GET4: variants seen among roughly 807,000 people sequenced by gnomAD.
The protein encoded by GET4 is guided entry of tail-anchored proteins factor 4.
A neutral mutation model predicts 40.0 loss-of-function variants in GET4; 20 were observed. That is an observed-to-expected ratio of 0.50 (90% CI 0.35 to 0.73). GET4 has a LOEUF of 0.73. Among genes scored for constraint, GET4 ranks in the 30% least tolerant of loss-of-function variants. The probability of loss-of-function intolerance (pLI) is 0.01; values close to 1 mark genes in which losing one functional copy is unlikely to be tolerated. For synonymous variants in GET4, 280 were observed against 194.6 expected (o/e 1.44, Z -3.65); for missense variants, 557 against 454.0 (o/e 1.23, Z -2.06).
Position 893,751 on chromosome 7 carries a change from C to G in GET4, c.758C>G (p.Thr253Arg). 6.2e-7 allele frequency: 1 copy of G among 1,604,832 alleles called. No homozygotes were observed. The highest frequency in any genetic ancestry group is 8.5e-7 in the Non-Finnish European group (1 of 1,173,232). The change falls in exon 7 of 9, where the codon ACG becomes AGG. Residue 253 changes from threonine (T) to arginine (R), a missense_variant. Thr to Arg is a moderately conservative substitution (Grantham distance 71). Coordinates refer to ENST00000265857, the MANE Select transcript of GET4 (RefSeq NM_015949.3). Reference sequence around the variant, plus strand: ...TGTCTCTGTCCCAGTGGGAAGCTGACGGTGTTCACTGTGCTGTGTGAGCAG... The same window carrying G: ...TGTCTCTGTCCCAGTGGGAAGCTGAGGGTGTTCACTGTGCTGTGTGAGCAG... Reference protein sequence around the residue: ...LLLAVDGGKLTVFTVLCEQYQ... With the variant: ...LLLAVDGGKLRVFTVLCEQYQ...
Position 892,264 on chromosome 7 carries a change from G to C in GET4, c.606-14G>C, listed in dbSNP as rs777075953. On this transcript the variant is annotated splice_polypyrimidine_tract_variant and intron_variant, in intron 5 of 8. Coordinates refer to ENST00000265857, the MANE Select transcript of GET4 (RefSeq NM_015949.3). ...CCTCCAGCCCTTCCACCACCAGCAT[G>C]TTCTCATTTCCAGGTTTCTCTGTTT... 5 of 1,585,136 alleles carry C rather than the reference G, an allele frequency of 3.2e-6. No individual in the cohort carries two copies. In the Admixed American group the frequency reaches 5.0e-5, roughly 16 times the overall value.
intron 1 of GET4, chr7:884,406 T>A (rs1844147083): frequency 7.8e-7 from 1 of 1,274,032 alleles, no homozygotes; most frequent in Non-Finnish European, 1.0e-6. Flanking sequence ...TGGGTCTCCC[T>A]CCAGAACCTT....
intron 1 of GET4, chr7:884,033 C>G (rs1022691053): frequency 4.7e-5 from 54 of 1,155,152 alleles, no homozygotes; most frequent in Non-Finnish European, 5.0e-5. Context: ...TCGGCAGTGC[C>G]CCCCAGAGCA....
chr7:877,985 G>T (rs1218772152), intron 1 of GET4: 4 of 192,184 alleles, frequency 2.1e-5, no homozygotes, highest in African/African-American at 1.0e-4. Context: ...CTGGCCTTCA[G>T]GTTCTCCAGC....
chr7:892,158 C>T (rs1185304454), intron 5 of GET4, 120 bp from the exon 6 acceptor site: 3 of 983,162 alleles, frequency 3.1e-6, no homozygotes, highest in Non-Finnish European at 4.7e-6. Flanking sequence ...CCCTCCATGG[C>T]CTTGGGCCGC....
intron 5 of GET4, among the ~76,000 whole-genome samples, chr7:891,967 G>A (rs145234222): frequency 6.6e-6 from 1 of 152,210 alleles, no homozygotes; most frequent in East Asian, 1.9e-4. Context: ...GCCAGCGCCT[G>A]ACCGGTGCGG....
At chr7:883,810 G>A in intron 1 of GET4, 1 of 992,346 alleles carries the variant, frequency 1.0e-6, no homozygotes, top group Non-Finnish European at 1.2e-6. Context: ...CAGTACAGGA[G>A]GAGAAGCCGT....
Position 895,392 on chromosome 7 carries a change from C to A in GET4, c.954C>A (p.Pro318=), listed in dbSNP as rs768732516. The change falls in exon 9 of 9, where the codon CCC becomes CCA. Residue 318 remains proline (P), a synonymous_variant. Transcript: ENST00000265857. ...AGCAGGAGGATGGGGAGGAGAGCCC[C>A]AGCGACGGCAGCCCCATCGAGCTGG... is the stretch of plus-strand genomic sequence containing the variant. ...SSEQEDGEES[P]SDGSPIELD is the part of the protein sequence containing the mutation. 25 of 1,593,460 alleles carry A rather than the reference C, an allele frequency of 1.6e-5. No homozygotes were observed. Among genetic ancestry groups the A allele is most frequent in the Non-Finnish European group, 1.3e-5 (15 of 1,163,172 alleles).
intron 4 of GET4, among the ~76,000 whole-genome samples, chr7:887,864 C>T (rs1242325837): frequency 2.0e-5 from 3 of 152,180 alleles, no homozygotes; most frequent in Admixed American, 6.5e-5. Context: ...CCCTGTTTTT[C>T]TCCTTTACGC....
At chr7:878,453 C>T (rs1020783292) in intron 1 of GET4, 13 of 451,978 alleles carry the variant, frequency 2.9e-5, no homozygotes, top group Admixed American at 7.1e-5. Context: ...TAGTATTTTC[C>T]ATGGGGTACC....
Position 895,574 on chromosome 7 carries a change from CAG to C in GET4, c.*153_*154del, listed in dbSNP as rs1228287527. ...GCGTGTCTGTTTCTGTGCGGCGGCT[CAG>C]GGTGGCGCGGCTGCTGCTCACTGTG... On this transcript the variant is annotated 3_prime_UTR_variant, in exon 9 of 9. Transcript: ENST00000265857. 5.9e-6 allele frequency: 3 copies of C among 505,390 alleles called. No homozygotes were observed. Among genetic ancestry groups the C allele is most frequent in the African/African-American group, 4.0e-5 (2 of 50,298 alleles). The allele number at this position is 505,390 out of a possible 1,614,324, so 31.3% of individuals were successfully genotyped here. A position where few individuals can be genotyped will look rare whatever the true frequency, so the allele number is the denominator to read the frequency against.
intron 1 of GET4, chr7:883,731 G>T: frequency 1.2e-5 from 12 of 986,178 alleles, no homozygotes; most frequent in Non-Finnish European, 1.3e-5. Flanking sequence ...CCGGCCTCGG[G>T]CTTGAGAGGG....
At chr7:889,270 C>T (rs1398615912) in intron 4 of GET4, among the ~76,000 whole-genome samples, 2 of 152,254 alleles carry the variant, frequency 1.3e-5, no homozygotes, top group African/African-American at 2.4e-5. Context: ...TGATGGACCT[C>T]ACCCGGGGAG....
Position 891,027 on chromosome 7 carries a change from G to T in GET4, c.566G>T (p.Arg189Leu). 6.2e-7 allele frequency: 1 copy of T among 1,610,058 alleles called. No homozygotes were observed. The change falls in exon 5 of 9, where the codon CGC becomes CTC. Residue 189 changes from arginine (R) to leucine (L), a missense_variant. Physicochemically the swap from Arg to Leu is moderately radical, Grantham distance 102. Transcript: ENST00000265857. ...LVEYSTSRGF[R>L]SEVDMFVAQA... Reference sequence around the variant, plus strand: ...GAGTATTCCACGTCCCGCGGCTTCCGCAGCGAGGTGGACATGTTCGTGGCC... The same window carrying T: ...GAGTATTCCACGTCCCGCGGCTTCCTCAGCGAGGTGGACATGTTCGTGGCC...
chr7:893,601 C>T (rs1483282156), intron 6 of GET4, 139 bp from the exon 7 acceptor site: 46 of 497,198 alleles, frequency 9.3e-5, no homozygotes, highest in Middle Eastern at 4.7e-4. Flanking sequence ...TGGGCATGGG[C>T]GCGGTGTGTG....
chr7:879,361 C>T (rs950174141), intron 1 of GET4, among the ~76,000 whole-genome samples: 2 of 152,224 alleles, frequency 1.3e-5, no homozygotes, highest in Non-Finnish European at 2.9e-5. Flanking sequence ...GATGCCATTT[C>T]GTTGCTTAAA....
intron 6 of GET4, among the ~76,000 whole-genome samples, chr7:893,291 T>G (rs1243191422): frequency 8.9e-6 from 1 of 112,760 alleles, no homozygotes; most frequent in East Asian, 3.0e-4. Flanking sequence ...AGGTGAGTGT[T>G]GGGCGCGGGC....
chr7:890,603 T>C lies in GET4; in HGVS notation c.467-325T>C, dbSNP rs143684527. 2.2e-3 allele frequency among the ~76,000 whole-genome samples: 342 copies of C among 152,242 alleles called. 4 individuals carry two copies. The highest frequency in any genetic ancestry group is 7.6e-3 in the African/African-American group (317 of 41,514). ...TATATTGCGCCCTGTAAGTTGCTTC[T>C]GGTAGGTGAGAAGGGTCACATGGTA... On this transcript the variant is annotated intron_variant, in intron 4 of 8. Transcript: ENST00000265857.
At chr7:877,247 C>T (rs1050264915) in intron 1 of GET4, among the ~76,000 whole-genome samples, 1 of 150,460 alleles carries the variant, frequency 6.6e-6, no homozygotes, top group Non-Finnish European at 1.5e-5. Flanking sequence ...TCCTTTGCGT[C>T]TCTCTCCCCG....
Sources: gnomAD v4.1 joint callset for allele counts (sites outside exome capture counted in the v4.1 genomes callset) on GRCh38, gnomAD v4.1.1 for gene constraint, MANE v1.5 for transcripts, NCBI Gene and HGNC (gene_info 2026-07-23, HGNC 2026-07-21) for gene names.